The following FRMD4B variants were observed in gnomAD, a reference collection of about 807,000 sequenced individuals.
The protein encoded by FRMD4B is FERM domain containing 4B, also known as FERM domain-containing protein 4B.
Under a neutral mutation model 141.5 loss-of-function variants are expected in FRMD4B, and 74 were observed. That is an observed-to-expected ratio of 0.52 (90% CI 0.43 to 0.63). FRMD4B has a LOEUF of 0.63. Among genes scored for constraint, FRMD4B ranks in the 30% least tolerant of loss-of-function variants. The pLI is 0.00. For synonymous variants in FRMD4B, 506 were observed against 467.9 expected (o/e 1.08, Z -1.05); for missense variants, 1,366 against 1,253.4 (o/e 1.09, Z -1.36).
At position 69,171,765 on chromosome 3, in the gene FRMD4B, G is replaced by A; in HGVS notation, c.*96C>T. On this transcript the variant is annotated 3_prime_UTR_variant, in exon 23 of 23. Transcript: ENST00000398540. Reference sequence around the variant, plus strand: ...TTCTCTTCAACCTTTGATGTCTTTAGGTTTCTAAAACGAACATCCTCTCGG... The same window carrying A: ...TTCTCTTCAACCTTTGATGTCTTTAAGTTTCTAAAACGAACATCCTCTCGG... 1 of 1,240,154 alleles carries A rather than the reference G, an allele frequency of 8.1e-7. No individual in the cohort carries two copies. The highest frequency in any genetic ancestry group is 1.2e-6 in the Non-Finnish European group (1 of 864,078). The allele number at this position is 1,240,154 out of a possible 1,614,324, so 76.8% of individuals were successfully genotyped here. A position where few individuals can be genotyped will look rare whatever the true frequency, so the allele number is the denominator to read the frequency against.
intron 1 of FRMD4B, among the ~76,000 whole-genome samples, chr3:69,384,173 G>C (rs1045104484): frequency 6.6e-6 from 1 of 151,696 alleles, no homozygotes; most frequent in African/African-American, 2.4e-5. Flanking sequence ...TTAGAGAAAA[G>C]AAAAAAATAC....
rs74845179 is a variant in FRMD4B at position 69,490,295 on chromosome 3, T to C, written c.-129+51911A>G. ...CATCTATCATGTGCTACATGAAGTT[T>C]TCAGCACTAGCCAGAAAGGGTCTCT... On this transcript the variant is annotated intron_variant, in intron 1 of 5. Transcript: ENST00000459638. 4.0e-4 allele frequency among the ~76,000 whole-genome samples: 61 copies of C among 152,336 alleles called. 1 individual carries two copies. In the East Asian group the frequency reaches 0.012, roughly 29 times the overall value.
intron 2 of FRMD4B, among the ~76,000 whole-genome samples, chr3:69,416,466 A>G (rs1484175726): frequency 6.6e-6 from 1 of 152,196 alleles, no homozygotes; most frequent in African/African-American, 2.4e-5. Context: ...ATTATAAGTT[A>G]GATTGCAACC....
chr3:69,362,877 T>G (rs1444409792), intron 1 of FRMD4B, among the ~76,000 whole-genome samples: 1 of 151,824 alleles, frequency 6.6e-6, no homozygotes, highest in Non-Finnish European at 1.5e-5. Flanking sequence ...TTTTATTATA[T>G]GTTTCCTAAA....
chr3:69,371,407 A>AG (rs1191738298), intron 1 of FRMD4B, among the ~76,000 whole-genome samples: 1 of 152,212 alleles, frequency 6.6e-6, no homozygotes, highest in Non-Finnish European at 1.5e-5. Context: ...ACAGACACAC[A>AG]GGGGCCTTGT....
chr3:69,456,538 C>G (rs899512537), intron 1 of FRMD4B, among the ~76,000 whole-genome samples: 1 of 152,074 alleles, frequency 6.6e-6, no homozygotes, highest in African/African-American at 2.4e-5. Context: ...GATTTTTCTC[C>G]ATCACAGCCC....
intron 1 of FRMD4B, among the ~76,000 whole-genome samples, chr3:69,446,818 A>G (rs567137882): frequency 6.6e-6 from 1 of 152,268 alleles, no homozygotes; most frequent in South Asian, 2.1e-4. Flanking sequence ...TTCCTCTGAA[A>G]ACACAAGACC....
At chr3:69,482,865 T>C (rs1050839355) in intron 1 of FRMD4B, among the ~76,000 whole-genome samples, 2 of 152,178 alleles carry the variant, frequency 1.3e-5, no homozygotes, top group African/African-American at 4.8e-5. Context: ...TGAATTAATA[T>C]GTGACAGTGT....
chr3:69,208,967 AACC>A (rs1167547108), intron 11 of FRMD4B, among the ~76,000 whole-genome samples: 1 of 152,098 alleles, frequency 6.6e-6, no homozygotes, highest in Non-Finnish European at 1.5e-5. Context: ...AACGTGGTGA[AACC>A]CCATCTCTAC....
intron 7 of FRMD4B, among the ~76,000 whole-genome samples, chr3:69,243,500 T>C (rs574582372): frequency 1.3e-5 from 2 of 152,180 alleles, no homozygotes; most frequent in African/African-American, 2.4e-5. Context: ...TGTGCTGGTG[T>C]TGGTGGGCAG....
At chr3:69,259,280 G>C (rs1430899007) in intron 5 of FRMD4B, among the ~76,000 whole-genome samples, 5 of 152,216 alleles carry the variant, frequency 3.3e-5, no homozygotes, top group Admixed American at 2.6e-4. Context: ...ACAGGAGGCA[G>C]AGCTCAGGCA....
chr3:69,514,686 T>A (rs960530626), intron 1 of FRMD4B, among the ~76,000 whole-genome samples: 8 of 143,068 alleles, frequency 5.6e-5, no homozygotes, highest in African/African-American at 7.8e-5. Context: ...AGACTCCATC[T>A]TAAATAAATA....
chr3:69,205,172 T>C (rs963923508), intron 11 of FRMD4B, among the ~76,000 whole-genome samples: 2 of 149,284 alleles, frequency 1.3e-5, no homozygotes, highest in African/African-American at 4.9e-5. Flanking sequence ...TCCCCCCCCT[T>C]TTTTTTTTGT....
intron 5 of FRMD4B, among the ~76,000 whole-genome samples, chr3:69,264,942 C>A (rs1049492826): frequency 6.6e-6 from 1 of 151,886 alleles, no homozygotes; most frequent in African/African-American, 2.4e-5. Flanking sequence ...AATGCTCAGC[C>A]GTGGGAGGAT....
chr3:69,539,489 A>T (rs907643625), intron 1 of FRMD4B, among the ~76,000 whole-genome samples: 6 of 152,242 alleles, frequency 3.9e-5, no homozygotes, highest in African/African-American at 1.4e-4. Context: ...CCACTAAGAT[A>T]GAAATTTATT....
Position 69,417,020 on chromosome 3 carries a change from A to G in FRMD4B, c.-1+15614T>C, listed in dbSNP as rs187665470. ...GGTGCTGCAACAAACATATGTGTGC[A>G]TGTGTCTTTATAGTAGAATGATTTA... On this transcript the variant is annotated intron_variant, in intron 2 of 5. Transcript: ENST00000459638. Among the ~76,000 whole-genome samples the G allele has an allele frequency of 1.2e-4, 18 of 152,320 alleles. 1 individual carries two copies. Among genetic ancestry groups the G allele is most frequent in the Admixed American group, 1.1e-3 (17 of 15,298 alleles).
intron 1 of FRMD4B, among the ~76,000 whole-genome samples, chr3:69,363,424 C>G (rs1484937169): frequency 6.9e-6 from 1 of 144,504 alleles, no homozygotes; most frequent in East Asian, 2.1e-4. Flanking sequence ...GAGTCTTGCT[C>G]TGTTGCCCAG....
intron 5 of FRMD4B, among the ~76,000 whole-genome samples, chr3:69,259,804 T>C (rs891082173): frequency 6.6e-6 from 1 of 152,194 alleles, no homozygotes; most frequent in Middle Eastern, 3.2e-3. Context: ...GAAATCACTT[T>C]TTAAAATTTG....
At chr3:69,287,263 T>C (rs576795470) in intron 5 of FRMD4B, among the ~76,000 whole-genome samples, 112 of 152,344 alleles carry the variant, frequency 7.4e-4, no homozygotes, top group South Asian at 1.0e-3. Context: ...TTACCACAGA[T>C]AACTGAGATA....
Sources: gnomAD v4.1 joint callset for allele counts (sites outside exome capture counted in the v4.1 genomes callset) on GRCh38, gnomAD v4.1.1 for gene constraint, MANE v1.5 for transcripts, NCBI Gene and HGNC (gene_info 2026-07-23, HGNC 2026-07-21) for gene names.